KIRREL3: variants seen among roughly 807,000 people sequenced by gnomAD.
The protein encoded by KIRREL3 is kirre like nephrin family adhesion molecule 3.
A neutral mutation model predicts 89.7 loss-of-function variants in KIRREL3; 36 were observed. The ratio of observed to expected loss-of-function variants is 0.40; its 90% CI spans 0.31 to 0.53. The LOEUF is 0.53. KIRREL3 is among the 20% of genes least tolerant of loss of function. The pLI is 0.49. For synonymous variants in KIRREL3, 445 were observed against 441.4 expected (o/e 1.01, Z -0.10); for missense variants, 864 against 1,056.6 (o/e 0.82, Z 2.53).
chr11:126,924,838 A>G lies in KIRREL3; in HGVS notation c.55+75617T>C, dbSNP rs1400214872. On this transcript the variant is annotated intron_variant, in intron 1 of 16. Transcript: ENST00000525144. This position sits in a 1 kb window ranked among gnomAD's most constrained non-coding sequence, Gnocchi z 4.7. ...CTGGTTAGCCTCTCTGATGTTGAGA[A>G]TGAAAGTTGTTATTAGCATGATTCA... is the stretch of plus-strand genomic sequence containing the variant. Among the ~76,000 whole-genome samples, 1 of 152,112 alleles carries G rather than the reference A, an allele frequency of 6.6e-6. No individual in the cohort carries two copies. The highest frequency in any genetic ancestry group is 1.9e-4 in the East Asian group (1 of 5,188).
chr11:126,469,452 G>C (rs986122948), intron 5 of KIRREL3, among the ~76,000 whole-genome samples: 5 of 152,202 alleles, frequency 3.3e-5, no homozygotes, highest in African/African-American at 1.2e-4. Context: ...GGGGGAGGAG[G>C]GGGTGGGCTG....
chr11:126,789,502 T>C (rs2134353650), intron 1 of KIRREL3, among the ~76,000 whole-genome samples: 1 of 152,308 alleles, frequency 6.6e-6, no homozygotes, highest in African/African-American at 2.4e-5. Context: ...AAGTTGTCTG[T>C]ACACATTGCT....
rs190266016 is a variant in KIRREL3 at position 126,878,842 on chromosome 11, C to T, written c.55+121613G>A. Among the ~76,000 whole-genome samples, 58 of 152,194 alleles carry T rather than the reference C, an allele frequency of 3.8e-4. No homozygotes were observed. In the East Asian group the frequency reaches 0.01, roughly 26 times the overall value. On this transcript the variant is annotated intron_variant, in intron 1 of 16. Coordinates refer to ENST00000525144, the MANE Select transcript of KIRREL3 (RefSeq NM_032531.4). The stretch of plus-strand genomic sequence containing the variant: ...GCCTCCCAACTCAGTGAAATTACTC[C>T]GAGAAACCAAGTGTCCCCTTGTGGA...
chr11:126,600,734 T>C (rs888064968), intron 1 of KIRREL3, among the ~76,000 whole-genome samples: 2 of 152,216 alleles, frequency 1.3e-5, no homozygotes, highest in Non-Finnish European at 2.9e-5. Context: ...TAAGTAAAAT[T>C]TGAATTTTTG....
At chr11:126,854,709 T>C (rs1944453313) in intron 1 of KIRREL3, among the ~76,000 whole-genome samples, 1 of 152,248 alleles carries the variant, frequency 6.6e-6, no homozygotes, top group South Asian at 2.1e-4. Context: ...TGTTTCAATC[T>C]CTGTTTTCAA....
intron 7 of KIRREL3, among the ~76,000 whole-genome samples, chr11:126,450,986 T>C (rs1162746672): frequency 6.6e-6 from 1 of 150,926 alleles, no homozygotes; most frequent in Non-Finnish European, 1.5e-5. Context: ...TGTGTGCATG[T>C]GTCAATGTGC....
At chr11:126,502,070 C>A (rs1957882528) in intron 4 of KIRREL3, among the ~76,000 whole-genome samples, 1 of 152,172 alleles carries the variant, frequency 6.6e-6, no homozygotes, top group South Asian at 2.1e-4. Context: ...GAATCTTAAA[C>A]ATGGATAATG....
At chr11:126,871,876 C>T (rs1945121090) in intron 1 of KIRREL3, among the ~76,000 whole-genome samples, 1 of 152,220 alleles carries the variant, frequency 6.6e-6, no homozygotes, top group South Asian at 2.1e-4. Context: ...CCCCCAGTGC[C>T]TGTCTTCATG....
At position 126,710,466 on chromosome 11, in the gene KIRREL3, C is replaced by T. The variant is rs1425044886; in HGVS notation, c.56-147554G>A. Among the ~76,000 whole-genome samples, 1 of 152,222 alleles carries T rather than the reference C, an allele frequency of 6.6e-6. No homozygotes were observed. Among genetic ancestry groups the T allele is most frequent in the African/African-American group, 2.4e-5 (1 of 41,456 alleles). On this transcript the variant is annotated intron_variant, in intron 1 of 16. Transcript: ENST00000525144. This position sits in a 1 kb window ranked among gnomAD's most constrained non-coding sequence, Gnocchi z 4.2. ...GTTCAATAGCATTCAAGTAACCCTT[C>T]ATGGCATGCCGAGATTCCTAATGAG...
At chr11:126,822,199 T>C (rs1943248289) in intron 1 of KIRREL3, among the ~76,000 whole-genome samples, 1 of 152,226 alleles carries the variant, frequency 6.6e-6, no homozygotes, top group Admixed American at 6.5e-5. Flanking sequence ...TGGAATTGCC[T>C]AGTACACATG....
At chr11:126,473,251 T>TCCCCCCC in intron 5 of KIRREL3, 58 bp downstream of exon 5, 3 of 42,660 alleles carry the variant, frequency 7.0e-5, no homozygotes, top group Admixed American at 3.3e-4. Context: ...CCTAGCCCCC[T>TCCCCCCC]CCCCACCCAC....
At position 126,492,794 on chromosome 11, in the gene KIRREL3, C is replaced by G. The variant is rs1957557207; in HGVS notation, c.434-19328G>C. Among the ~76,000 whole-genome samples, 1 of 152,152 alleles carries G rather than the reference C, an allele frequency of 6.6e-6. No homozygotes were observed. Among genetic ancestry groups the G allele is most frequent in the Admixed American group, 6.5e-5 (1 of 15,282 alleles). ...GACTGGCTTCTTACCTGCCCCGAGA[C>G]CCAGCTCTTTCCTCCTCTTGGATGC... On this transcript the variant is annotated intron_variant, in intron 4 of 16. Transcript: ENST00000525144. The surrounding 1 kb of genome is among the most constrained non-coding windows in gnomAD (Gnocchi z 4.8).
At chr11:126,533,342 GC>G (rs1959001160) in intron 2 of KIRREL3, among the ~76,000 whole-genome samples, 1 of 152,020 alleles carries the variant, frequency 6.6e-6, no homozygotes, top group African/African-American at 2.4e-5. Flanking sequence ...TCTAGTCCTC[GC>G]CCCCAGGAAC....
intron 1 of KIRREL3, among the ~76,000 whole-genome samples, chr11:126,959,841 C>T (rs989580033): frequency 5.9e-5 from 9 of 152,200 alleles, no homozygotes; most frequent in African/African-American, 1.9e-4. Flanking sequence ...TCCAGGACCC[C>T]TCTCACAGCT....
chr11:126,866,933 C>T (rs1944945748), intron 1 of KIRREL3, among the ~76,000 whole-genome samples: 1 of 152,178 alleles, frequency 6.6e-6, no homozygotes, highest in Non-Finnish European at 1.5e-5. Context: ...TCCAAGCCCA[C>T]ATGGGATCTG....
intron 1 of KIRREL3, among the ~76,000 whole-genome samples, chr11:126,680,636 G>T (rs533352965): frequency 1.3e-5 from 2 of 152,008 alleles, no homozygotes; most frequent in East Asian, 3.9e-4. Context: ...TGGAGTAATT[G>T]CCTTAACTAG....
rs1410759673 is a variant in KIRREL3, at chr11:126,715,625, C to G, written c.56-152713G>C. Among the ~76,000 whole-genome samples the G allele has an allele frequency of 1.3e-5, 2 of 151,934 alleles. No individual in the cohort carries two copies. The highest frequency in any genetic ancestry group is 4.8e-5 in the African/African-American group (2 of 41,350). Reference sequence around the variant, plus strand: ...CGTGGACCATTTTGCAAATCAAAAACAAGAGGAAAAGGGACTACAGCACGT... The same window carrying G: ...CGTGGACCATTTTGCAAATCAAAAAGAAGAGGAAAAGGGACTACAGCACGT... On this transcript the variant is annotated intron_variant, in intron 1 of 16. Coordinates refer to ENST00000525144, the MANE Select transcript of KIRREL3 (RefSeq NM_032531.4). This position sits in a 1 kb window ranked among gnomAD's most constrained non-coding sequence, Gnocchi z 4.4.
Position 126,551,652 on chromosome 11 carries a change from C to CTT in KIRREL3, c.133+11181_133+11182dup, listed in dbSNP as rs35323126. 1.7e-3 allele frequency among the ~76,000 whole-genome samples: 225 copies of CTT among 135,926 alleles called. 2 individuals are homozygous for CTT. The highest frequency in any genetic ancestry group is 2.5e-3 in the African/African-American group (90 of 36,332). 89.2% of individuals were successfully genotyped at this position (135,926 alleles called of 152,430 possible). Reference sequence around the variant, plus strand: ...GGGTGAGGCCACTCAGGTTTGCAGGCTTTTTTTTTTTTTTTTGAGACAGAG... The same window carrying CTT: ...GGGTGAGGCCACTCAGGTTTGCAGGCTTTTTTTTTTTTTTTTTTGAGACAGAG... On this transcript the variant is annotated intron_variant, in intron 2 of 16. Coordinates refer to ENST00000525144, the MANE Select transcript of KIRREL3 (RefSeq NM_032531.4). This position sits in a 1 kb window ranked among gnomAD's most constrained non-coding sequence, Gnocchi z 4.9.
In KIRREL3 at chr11:126,684,221, C is replaced by T. The variant is rs1417060990; in HGVS notation, c.56-121309G>A. Among the ~76,000 whole-genome samples, 1 of 152,214 alleles carries T rather than the reference C, an allele frequency of 6.6e-6. No individual in the cohort carries two copies. The highest frequency in any genetic ancestry group is 1.9e-4 in the East Asian group (1 of 5,188). ...GAGGAGCCGGGCTGGAGGCTGCAGA[C>T]TCTGCCTCTGTGCCCGTTCTGGGAA... On this transcript the variant is annotated intron_variant, in intron 1 of 16. Coordinates refer to ENST00000525144, the MANE Select transcript of KIRREL3 (RefSeq NM_032531.4). The surrounding 1 kb of genome is among the most constrained non-coding windows in gnomAD (Gnocchi z 4.2).
Sources: allele counts gnomAD v4.1 joint callset (sites outside exome capture counted in the v4.1 genomes callset), GRCh38; gene constraint gnomAD v4.1.1; non-coding constraint Gnocchi (gnomAD v3.1); transcripts MANE v1.5; gene names NCBI Gene and HGNC (gene_info 2026-07-23, HGNC 2026-07-21).